URB2: variants seen among roughly 807,000 people sequenced by gnomAD.
URB2 encodes the protein unhealthy ribosome biogenesis protein 2 homolog.
URB2 carries 86 observed loss-of-function variants against 120.9 expected under a neutral mutation model. The observed-to-expected ratio is 0.71, with a 90% confidence interval of 0.60 to 0.85. URB2 has a LOEUF of 0.85. URB2 is among the 40% of genes least tolerant of loss of function. URB2 has a pLI of 0.00. For synonymous variants in URB2, 755 were observed against 758.4 expected, an observed-to-expected ratio of 1.00 and a Z score of 0.07; for missense variants, 1,765 against 1,836.5, an observed-to-expected ratio of 0.96 and a Z score of 0.71.
Position 229,638,081 on chromosome 1 carries a change from T to C in URB2, c.3468T>C (p.Gly1156=). 6.2e-7 allele frequency: 1 copy of C among 1,614,140 alleles called. No homozygotes were observed. The highest frequency in any genetic ancestry group is 8.5e-7 in the Non-Finnish European group (1 of 1,180,004). The change falls in exon 4 of 10, where the codon GGT becomes GGC. Residue 1156 remains glycine (G), a synonymous_variant. Coordinates refer to ENST00000258243, the MANE Select transcript of URB2 (RefSeq NM_014777.4). ...TCTCCCATGTTGCCCTCTACCAGGG[T>C]GTTTACTCTCAGATACTGTTGGAGT... ...TLLSHVALYQ[G]VYSQILLELP... is the part of the protein sequence containing the mutation.
intron 8 of URB2, among the ~76,000 whole-genome samples, chr1:229,651,665 A>G (rs1666276030): frequency 6.6e-6 from 1 of 152,200 alleles, no homozygotes; most frequent in Non-Finnish European, 1.5e-5. Context: ...ATAGTTCAAT[A>G]GGGAGATGAA....
rs1308086776 is a variant in URB2, at chr1:229,627,753, A to G, written c.120A>G (p.Lys40=). ...WISHQCFLPN[K]EQVLLDWARQ... is the part of the protein sequence containing the mutation. The stretch of plus-strand genomic sequence containing the variant: ...CTCACCAGTGCTTTCTTCCAAATAA[A>G]GAACAAGTAAGTTTAATGTGAAACT... Residue 40 remains lysine (K), a synonymous_variant, in exon 2 of 10, where the codon AAA becomes AAG. Transcript: ENST00000258243. 1 of 1,609,146 alleles carries G rather than the reference A, an allele frequency of 6.2e-7. No individual in the cohort carries two copies. The highest frequency in any genetic ancestry group is 8.5e-7 in the Non-Finnish European group (1 of 1,177,782).
At position 229,658,863 on chromosome 1, in the gene URB2, G is replaced by A. The variant is rs1666460301; in HGVS notation, c.4378-237G>A. ...TTTGCTTTCATGGAGTTTTATTCCA[G>A]GTTTGTGTTTGCTTGAGTTAGCTTC... On this transcript the variant is annotated intron_variant, in intron 9 of 9. Transcript: ENST00000258243. 2.0e-5 allele frequency among the ~76,000 whole-genome samples: 3 copies of A among 152,142 alleles called. 1 individual carries two copies. Among genetic ancestry groups the A allele is most frequent in the African/African-American group, 2.4e-5 (1 of 41,426 alleles).
chr1:229,647,348 G>A (rs921975175), intron 6 of URB2, among the ~76,000 whole-genome samples, 162 bp from the exon 7 acceptor site: 2 of 152,170 alleles, frequency 1.3e-5, no homozygotes, highest in South Asian at 2.1e-4. Flanking sequence ...CACTAGAGCT[G>A]ATCTGTAAGA....
intron 4 of URB2, among the ~76,000 whole-genome samples, chr1:229,642,219 C>T (rs1355566991): frequency 6.6e-6 from 1 of 152,108 alleles, no homozygotes; most frequent in Non-Finnish European, 1.5e-5. Context: ...GTGAGTGGCC[C>T]TTGAAGGGTA....
chr1:229,634,423 T>G (rs1407329634), intron 3 of URB2, among the ~76,000 whole-genome samples: 1 of 152,200 alleles, frequency 6.6e-6, no homozygotes, highest in Non-Finnish European at 1.5e-5. Context: ...CAGGCTGTTC[T>G]CAAACTCCTG....
chr1:229,654,785 T>G (rs1379449805), intron 9 of URB2, among the ~76,000 whole-genome samples: 2 of 152,202 alleles, frequency 1.3e-5, no homozygotes, highest in African/African-American at 4.8e-5. Flanking sequence ...TCAAGGTGTT[T>G]AGCAGCATTC....
intron 4 of URB2, among the ~76,000 whole-genome samples, chr1:229,639,642 C>T (rs1017175814): frequency 2.6e-5 from 4 of 152,174 alleles, no homozygotes; most frequent in African/African-American, 9.6e-5. Context: ...AGCCAAATCA[C>T]TTAATTTCCA....
At chr1:229,629,282 TGTG>T (rs1458810190) in intron 2 of URB2, among the ~76,000 whole-genome samples, 3 of 152,184 alleles carry the variant, frequency 2.0e-5, no homozygotes, top group Non-Finnish European at 4.4e-5. Flanking sequence ...CTGTAGGTAA[TGTG>T]GGGGAAGCCA....
intron 6 of URB2, 130 bp downstream of exon 6, chr1:229,646,099 G>T: frequency 1.3e-6 from 1 of 770,274 alleles, no homozygotes; most frequent in Admixed American, 2.2e-5. Flanking sequence ...CTTCCAAAGG[G>T]CGGTGGTGAG....
intron 4 of URB2, among the ~76,000 whole-genome samples, chr1:229,640,772 A>G (rs1665990701): frequency 6.6e-6 from 1 of 152,182 alleles, no homozygotes; most frequent in Non-Finnish European, 1.5e-5. Context: ...GGATTAACTG[A>G]AAGGCTTTGA....
intron 8 of URB2, among the ~76,000 whole-genome samples, chr1:229,652,534 A>G (rs915461034): frequency 2.0e-5 from 3 of 152,260 alleles, no homozygotes; most frequent in Non-Finnish European, 4.4e-5. Context: ...TTTTGGGATC[A>G]ATCAGTGGCA....
intron 9 of URB2, among the ~76,000 whole-genome samples, 158 bp downstream of exon 9, chr1:229,654,546 G>C (rs1192419166): frequency 6.6e-6 from 1 of 152,192 alleles, no homozygotes; most frequent in African/African-American, 2.4e-5. Context: ...AGGCTGGAGT[G>C]CATTAGTGCG....
In URB2 at chr1:229,636,044, C is replaced by G. The variant is rs1302586098; in HGVS notation, c.1431C>G (p.Ile477Met). ...TGTTTGAAGAGGTTTTGGGGGTGATCTGTCGTCCAGCTGCTGAGGCACTGA... is the reference window on the plus strand; with the variant it reads ...TGTTTGAAGAGGTTTTGGGGGTGATGTGTCGTCCAGCTGCTGAGGCACTGA... Reference protein sequence around the residue: ...PRLFEEVLGVICRPAAEALRQ... With the variant: ...PRLFEEVLGVMCRPAAEALRQ... Residue 477 changes from isoleucine (I) to methionine (M), a missense_variant, in exon 4 of 10, where the codon ATC becomes ATG. By Grantham distance (10) the Ile-to-Met change is conservative. Transcript: ENST00000258243. 5 of 1,614,102 alleles carry G rather than the reference C, an allele frequency of 3.1e-6. No individual in the cohort carries two copies. The highest frequency in any genetic ancestry group is 4.2e-6 in the Non-Finnish European group (5 of 1,179,956).
At chr1:229,651,129 G>T in intron 7 of URB2, 106 bp from the exon 8 acceptor site, 1 of 1,078,826 alleles carries the variant, frequency 9.3e-7, no homozygotes, top group Non-Finnish European at 1.3e-6. Flanking sequence ...TGGTTTGAGT[G>T]TCCCGATAGA....
chr1:229,651,712 A>G (rs1016879988), intron 8 of URB2, among the ~76,000 whole-genome samples: 1 of 152,196 alleles, frequency 6.6e-6, no homozygotes, highest in African/African-American at 2.4e-5. Context: ...TCATTTTATA[A>G]AAGGGATAAG....
rs773727594 is a variant in URB2 at position 229,636,578 on chromosome 1, T to C, written c.1965T>C (p.His655=). The C allele has an allele frequency of 6.2e-6, 10 of 1,614,026 alleles. No individual in the cohort carries two copies. Among genetic ancestry groups the C allele is most frequent in the African/African-American group, 5.3e-5 (4 of 74,922 alleles). ...PSLLPGVKTQ[H]WKKIEKFTAQ... Reference sequence around the variant, plus strand: ...TGCTCCCAGGTGTAAAAACACAGCATTGGAAGAAGATAGAGAAGTTTACAG... The same window carrying C: ...TGCTCCCAGGTGTAAAAACACAGCACTGGAAGAAGATAGAGAAGTTTACAG... The change falls in exon 4 of 10, where the codon CAT becomes CAC. Residue 655 remains histidine, a synonymous_variant. Coordinates refer to ENST00000258243, the MANE Select transcript of URB2 (RefSeq NM_014777.4).
intron 1 of URB2, 22 bp from the exon 2 acceptor site, chr1:229,627,599 T>TC: frequency 1.9e-6 from 3 of 1,603,874 alleles, no homozygotes; most frequent in Non-Finnish European, 2.6e-6. Context: ...GTATTTTTTT[T>TC]CCCATTGTTT....
At position 229,635,830 on chromosome 1, in the gene URB2, C is replaced by A. The variant is rs565074872; in HGVS notation, c.1217C>A (p.Pro406Gln). 1 of 1,614,082 alleles carries A rather than the reference C, an allele frequency of 6.2e-7. No individual in the cohort carries two copies. The highest frequency in any genetic ancestry group is 8.5e-7 in the Non-Finnish European group (1 of 1,179,954). The change falls in exon 4 of 10, where the codon CCG becomes CAG. Residue 406 changes from proline (P) to glutamine (Q), a missense_variant. Coordinates refer to ENST00000258243, the MANE Select transcript of URB2 (RefSeq NM_014777.4). ...LLINHAQAPI[P>Q]AWFRCLKTLI... ...ATAAACCATGCACAAGCACCCATACCGGCCTGGTTCCGCTGTCTGAAGACT... is the reference window on the plus strand; with the variant it reads ...ATAAACCATGCACAAGCACCCATACAGGCCTGGTTCCGCTGTCTGAAGACT...
Sources: allele counts gnomAD v4.1 joint callset (sites outside exome capture counted in the v4.1 genomes callset), GRCh38; gene constraint gnomAD v4.1.1; transcripts MANE v1.5; gene names NCBI Gene and HGNC (gene_info 2026-07-23, HGNC 2026-07-21).